The following BTD variants were observed in gnomAD, a reference collection of about 807,000 sequenced individuals.
The protein encoded by BTD is biotinidase.
Under a neutral mutation model 17.7 loss-of-function variants are expected in BTD, and 13 were observed. The observed-to-expected ratio is 0.74, with a 90% CI of 0.48 to 1.17. BTD has a LOEUF of 1.17. BTD is among the 50% of genes most tolerant of loss of function. The probability of loss-of-function intolerance (pLI) is 0.00; values close to 1 mark genes in which losing one functional copy is unlikely to be tolerated. For missense variants in BTD, 674 were observed against 650.4 expected, an observed-to-expected ratio of 1.04 and a Z score of -0.39; for synonymous variants, 240 against 245.2, an observed-to-expected ratio of 0.98 and a Z score of 0.20.
downstream of BTD, among the ~76,000 whole-genome samples, chr3:15,656,404 A>G: frequency 6.6e-6 from 1 of 152,202 alleles, no homozygotes; most frequent in Non-Finnish European, 1.5e-5. Context: ...GTAGCCAGTC[A>G]GGTCAGCTCA....
Position 15,601,898 on chromosome 3 carries a change from C to T in BTD, c.-17+4C>T, listed in dbSNP as rs780115477. On this transcript the variant is annotated splice_donor_region_variant and intron_variant, in intron 1 of 3. Transcript: ENST00000643237. ...GCGGAAGGCGCGCTAAGAGCAGGTA[C>T]GGAGGGGGCGTGGTGCGGCGCGGAG... The T allele has an allele frequency of 5.0e-6, 8 of 1,613,620 alleles. No homozygotes were observed. The highest frequency in any genetic ancestry group is 4.4e-5 in the South Asian group (4 of 91,044).
intron 1 of BTD, among the ~76,000 whole-genome samples, chr3:15,607,556 C>T (rs1045980552): frequency 3.9e-5 from 6 of 152,186 alleles, no homozygotes; most frequent in Non-Finnish European, 5.9e-5. Flanking sequence ...TTTTAATTTC[C>T]GTATACTAAC....
At chr3:15,666,760 TCCACCAACC>T (rs537090021) in intron 3 of BTD, among the ~76,000 whole-genome samples, 130 of 152,322 alleles carry the variant, frequency 8.5e-4, no homozygotes, top group African/African-American at 2.9e-3. Context: ...CTCCACCAAC[TCCACCAACC>T]ATTTAAAGAG....
In BTD at chr3:15,642,031, G is replaced by C. The variant is rs1281555039; in HGVS notation, c.373G>C (p.Glu125Gln). The C allele has an allele frequency of 6.2e-7, 1 of 1,614,138 alleles. No homozygotes were observed. The highest frequency in any genetic ancestry group is 1.7e-5 in the Admixed American group (1 of 60,012). Residue 125 changes from glutamate (E) to glutamine (Q), a missense_variant, in exon 3 of 4, where the codon GAG becomes CAG. Physicochemically the swap from Glu to Gln is conservative, Grantham distance 29 (BLOSUM62 2). Coordinates refer to ENST00000643237, the MANE Select transcript of BTD (RefSeq NM_001370658.1). ...GGTGGTCAGGTGGAACCCATGCCTGGAGCCTCACCGCTTCAATGACACAGA... is the reference window on the plus strand; with the variant it reads ...GGTGGTCAGGTGGAACCCATGCCTGCAGCCTCACCGCTTCAATGACACAGA... ...PQVVRWNPCL[E>Q]PHRFNDTEVL...
At chr3:15,702,675 T>G (rs1484947626) in intron 3 of BTD, among the ~76,000 whole-genome samples, 3 of 152,132 alleles carry the variant, frequency 2.0e-5, no homozygotes, top group Non-Finnish European at 4.4e-5. Context: ...AAGTTCAGAC[T>G]GATTCAAATT....
exon 4 of BTD, chr3:15,712,244 A>G: frequency 2.0e-6 from 3 of 1,530,848 alleles, no homozygotes; most frequent in South Asian, 2.4e-5. Context: ...AGAACAGGAC[A>G]GTATCTTCAT....
intron 3 of BTD, among the ~76,000 whole-genome samples, chr3:15,671,578 GT>G (rs869032190): frequency 5.0e-5 from 7 of 141,318 alleles, no homozygotes; most frequent in African/African-American, 1.4e-4. Flanking sequence ...AAACACTATA[GT>G]TTTTTTTTTG....
downstream of BTD, among the ~76,000 whole-genome samples, chr3:15,657,859 T>A (rs1377142394): frequency 6.6e-6 from 1 of 151,442 alleles, no homozygotes; most frequent in Non-Finnish European, 1.5e-5. Flanking sequence ...ACCCAAGATA[T>A]AACAGGTTGA....
intron 3 of BTD, among the ~76,000 whole-genome samples, chr3:15,706,419 TCC>T (rs2071408320): frequency 2.5e-5 from 1 of 39,930 alleles, no homozygotes; most frequent in Non-Finnish European, 8.8e-5. Flanking sequence ...GGACATAAAC[TCC>T]TCCTTTTTTA....
Position 15,645,469 on chromosome 3 carries a change from G to T in BTD, c.1553G>T (p.Arg518Leu), listed in dbSNP as rs397514429. The change falls in exon 4 of 4, where the codon CGC (arginine) becomes CTC (leucine). Residue 518 changes from arginine to leucine, a missense_variant. By Grantham distance (102) the Arg-to-Leu change is moderately radical (BLOSUM62 -2). Coordinates refer to ENST00000643237, the MANE Select transcript of BTD (RefSeq NM_001370658.1). Reference protein sequence around the residue: ...SGLVTAALYGRLYERD With the variant: ...SGLVTAALYGLLYERD The stretch of plus-strand genomic sequence containing the variant: ...CTGGTGACGGCGGCTCTCTATGGGC[G>T]CTTGTATGAGAGGGACTAGGAAAAG... The T allele has an allele frequency of 6.2e-7, 1 of 1,608,390 alleles. No individual in the cohort carries two copies. Among genetic ancestry groups the T allele is most frequent in the African/African-American group, 1.3e-5 (1 of 75,024 alleles).
chr3:15,635,213 A>G lies in BTD; in HGVS notation c.-16-211A>G, dbSNP rs965668951. Among the ~76,000 whole-genome samples, 40 of 152,258 alleles carry G rather than the reference A, an allele frequency of 2.6e-4. No individual in the cohort carries two copies. The highest frequency in any genetic ancestry group is 7.5e-4 in the African/African-American group (31 of 41,474). On this transcript the variant is annotated intron_variant, in intron 1 of 3. Coordinates refer to ENST00000643237, the MANE Select transcript of BTD (RefSeq NM_001370658.1). This position sits in a 1 kb window ranked among gnomAD's most constrained non-coding sequence, Gnocchi z 4.1. The stretch of plus-strand genomic sequence containing the variant: ...TTTGGAAATGTTCTAAAACCAGACT[A>G]TTAACACAGTGAGCCATTTTAAATG...
intron 1 of BTD, among the ~76,000 whole-genome samples, chr3:15,633,231 A>G (rs924405831): frequency 3.9e-5 from 6 of 152,094 alleles, no homozygotes; most frequent in African/African-American, 1.2e-4. Flanking sequence ...AGTAATTTCA[A>G]TCCAAGGTTG....
intron 1 of BTD, among the ~76,000 whole-genome samples, chr3:15,633,897 A>G (rs984812612): frequency 6.6e-6 from 1 of 152,210 alleles, no homozygotes; most frequent in Non-Finnish European, 1.5e-5. Context: ...TATCAATTAT[A>G]CTTTTGTTTC....
chr3:15,701,746 CTGG>C (rs1335575166), intron 3 of BTD, among the ~76,000 whole-genome samples: 10 of 152,018 alleles, frequency 6.6e-5, no homozygotes, highest in Non-Finnish European at 1.2e-4. Flanking sequence ...GGTAATAAGA[CTGG>C]TGTTTTGTTT....
chr3:15,676,040 TAC>T, intron 3 of BTD: 2 of 1,455,620 alleles, frequency 1.4e-6, no homozygotes, highest in Non-Finnish European at 1.9e-6. Context: ...TGCATGCACA[TAC>T]ACATACACAC....
rs869032190 is a variant in BTD, at chr3:15,671,578, G to GTTT, written c.399+29529_399+29531dup. ...TCAACTTGGAGTCATAAACACTATAGTTTTTTTTTTGTTTTTTTTTTTTTG... is the reference window on the plus strand; with the variant it reads ...TCAACTTGGAGTCATAAACACTATAGTTTTTTTTTTTTTGTTTTTTTTTTTTTG... On this transcript the variant is annotated intron_variant, in intron 3 of 3. Coordinates refer to the BTD transcript ENST00000672141. Among the ~76,000 whole-genome samples the GTTT allele has an allele frequency of 6.7e-3, 941 of 141,198 alleles. 39 individuals carry two copies. The highest frequency in any genetic ancestry group is 0.024 in the African/African-American group (875 of 36,712). The allele number at this position is 141,198 out of a possible 152,430, so 92.6% of individuals were successfully genotyped here. A position where few individuals can be genotyped will look rare whatever the true frequency, so the allele number is the denominator to read the frequency against.
intron 3 of BTD, among the ~76,000 whole-genome samples, chr3:15,666,963 T>C (rs1037796508): frequency 5.9e-5 from 9 of 152,234 alleles, no homozygotes; most frequent in Non-Finnish European, 8.8e-5. Flanking sequence ...TTTCTACTTA[T>C]ACCTTTCCAC....
At chr3:15,604,616 T>C (rs975475881) in intron 1 of BTD, among the ~76,000 whole-genome samples, 4 of 152,180 alleles carry the variant, frequency 2.6e-5, no homozygotes, top group African/African-American at 9.7e-5. Context: ...AGAAAATGGG[T>C]TTTTATTTTC....
chr3:15,692,389 G>T (rs974153740), intron 3 of BTD, among the ~76,000 whole-genome samples: 4 of 152,190 alleles, frequency 2.6e-5, no homozygotes, highest in Admixed American at 6.6e-5. Context: ...ATTCAAGACT[G>T]TAGTGAGCCG....
Sources: allele counts gnomAD v4.1 joint callset (sites outside exome capture counted in the v4.1 genomes callset), GRCh38; gene constraint gnomAD v4.1.1; non-coding constraint Gnocchi (gnomAD v3.1); transcripts MANE v1.5; gene names NCBI Gene and HGNC (gene_info 2026-07-23, HGNC 2026-07-21).